The following LPAR3 variants were observed in gnomAD, a reference collection of about 807,000 sequenced individuals.
LPAR3 encodes lysophosphatidic acid receptor 3.
LPAR3 carries 7 observed loss-of-function variants against 17.8 expected under a neutral mutation model. That is an observed-to-expected ratio of 0.39 (90% CI 0.22 to 0.74). LPAR3 has a LOEUF of 0.74. Ranked by LOEUF, LPAR3 falls within the 30% of genes least tolerant of loss-of-function variation. LPAR3 has a pLI of 0.40. For synonymous variants in LPAR3, 179 were observed against 179.9 expected (o/e 0.99, Z 0.04); for missense variants, 391 against 453.4 (o/e 0.86, Z 1.25).
At chr1:84,846,717 G>A (rs1288825348) in intron 2 of LPAR3, among the ~76,000 whole-genome samples, 2 of 151,948 alleles carry the variant, frequency 1.3e-5, no homozygotes, top group Non-Finnish European at 2.9e-5. Context: ...ACCCACAAAG[G>A]GGTTATTTGT....
In LPAR3 at chr1:84,848,319, C is replaced by T. The variant is rs115512595; in HGVS notation, c.736+17066G>A. Among the ~76,000 whole-genome samples, 794 of 152,322 alleles carry T rather than the reference C, an allele frequency of 5.2e-3. 8 individuals are homozygous for T. Among genetic ancestry groups the T allele is most frequent in the African/African-American group, 0.017 (696 of 41,572 alleles). ...AGAACCCCAGAATGCCCCTGCTGGG[C>T]CCTGAGGCTGGCCACTTTCCCTCCC... On this transcript the variant is annotated intron_variant, in intron 2 of 2. Coordinates refer to ENST00000370611, the MANE Select transcript of LPAR3 (RefSeq NM_012152.3).
intron 1 of LPAR3, among the ~76,000 whole-genome samples, chr1:84,876,292 TCTC>T (rs1660256629): frequency 6.6e-6 from 1 of 152,162 alleles, no homozygotes; most frequent in South Asian, 2.1e-4. Context: ...TGGTGCCTAA[TCTC>T]ATCACATGCA....
intron 2 of LPAR3, among the ~76,000 whole-genome samples, chr1:84,856,588 G>A (rs1376873930): frequency 6.6e-6 from 1 of 151,974 alleles, no homozygotes; most frequent in African/African-American, 2.4e-5. Flanking sequence ...AGTAAGGACA[G>A]TTCATCGATG....
intron 1 of LPAR3, among the ~76,000 whole-genome samples, chr1:84,868,373 G>C (rs936046051): frequency 6.6e-6 from 1 of 152,174 alleles, no homozygotes; most frequent in East Asian, 1.9e-4. Flanking sequence ...GCCTCCCAAA[G>C]TGCTGAGATT....
In LPAR3 at chr1:84,850,606, C is replaced by T. The variant is rs571142601; in HGVS notation, c.736+14779G>A. On this transcript the variant is annotated intron_variant, in intron 2 of 2. Transcript: ENST00000370611. ...GTTGCCTTGAAAGGGAAAAAAGAAA[C>T]AAAACTAACAATCACCAGGGACTCT... Among the ~76,000 whole-genome samples, 4 of 152,008 alleles carry T rather than the reference C, an allele frequency of 2.6e-5. No individual in the cohort carries two copies. In the East Asian group the frequency reaches 7.8e-4, roughly 29 times the overall value.
intron 2 of LPAR3, among the ~76,000 whole-genome samples, chr1:84,851,595 C>A (rs976820801): frequency 1.3e-5 from 2 of 152,204 alleles, no homozygotes; most frequent in Admixed American, 6.5e-5. Context: ...GGATAATCAA[C>A]TCTGCCTTGG....
chr1:84,892,688 GC>G (rs1660575074), intron 1 of LPAR3, among the ~76,000 whole-genome samples: 1 of 152,224 alleles, frequency 6.6e-6, no homozygotes, highest in Non-Finnish European at 1.5e-5. Context: ...GTGTGCAAAG[GC>G]AGACGCAACC....
intron 1 of LPAR3, among the ~76,000 whole-genome samples, chr1:84,892,624 C>T (rs1323545613): frequency 6.6e-6 from 1 of 152,184 alleles, no homozygotes. Flanking sequence ...ACGAGAGAAC[C>T]CCAGTTTCCT....
At chr1:84,874,359 T>C (rs1341604440) in intron 1 of LPAR3, among the ~76,000 whole-genome samples, 3 of 152,198 alleles carry the variant, frequency 2.0e-5, no homozygotes, top group African/African-American at 7.2e-5. Context: ...GGACAGCCCA[T>C]GGCACGTCAG....
At chr1:84,890,760 T>C (rs1389327451) in intron 1 of LPAR3, among the ~76,000 whole-genome samples, 1 of 152,166 alleles carries the variant, frequency 6.6e-6, no homozygotes, top group African/African-American at 2.4e-5. Context: ...GTAATTCCCA[T>C]TTCAGTTATA....
intron 2 of LPAR3, among the ~76,000 whole-genome samples, chr1:84,862,324 G>A (rs1659955938): frequency 6.6e-6 from 1 of 152,196 alleles, no homozygotes; most frequent in Non-Finnish European, 1.5e-5. Context: ...GCAGAAGACA[G>A]GACAAAAAGA....
chr1:84,847,572 G>A (rs1659615720), intron 2 of LPAR3, among the ~76,000 whole-genome samples: 1 of 152,200 alleles, frequency 6.6e-6, no homozygotes. Flanking sequence ...TCCTATCAGG[G>A]AATCTGAAGA....
intron 2 of LPAR3, among the ~76,000 whole-genome samples, chr1:84,863,012 C>T (rs531908716): frequency 8.6e-5 from 13 of 151,538 alleles, no homozygotes; most frequent in Non-Finnish European, 1.3e-4. Context: ...GAAAATTCTA[C>T]GAAACCACAT....
intron 2 of LPAR3, among the ~76,000 whole-genome samples, chr1:84,836,019 T>C (rs913714552): frequency 2.8e-5 from 4 of 140,986 alleles, no homozygotes; most frequent in African/African-American, 1.1e-4. Context: ...TTTTTTTTTT[T>C]TTTTTTTTTT....
intron 2 of LPAR3, among the ~76,000 whole-genome samples, chr1:84,842,322 G>A (rs910850220): frequency 6.6e-6 from 1 of 152,246 alleles, no homozygotes; most frequent in Admixed American, 6.5e-5. Flanking sequence ...CACCACTATC[G>A]GATCAATCAT....
chr1:84,849,609 C>T (rs1226274201), intron 2 of LPAR3, among the ~76,000 whole-genome samples: 1 of 152,034 alleles, frequency 6.6e-6, no homozygotes, highest in Admixed American at 6.6e-5. Context: ...AATGTAGAAA[C>T]TCTAAGGGGA....
At chr1:84,855,066 T>C (rs1570885693) in intron 2 of LPAR3, among the ~76,000 whole-genome samples, 1 of 152,128 alleles carries the variant, frequency 6.6e-6, no homozygotes, top group African/African-American at 2.4e-5. Context: ...GGAAGATGAC[T>C]CCTGCCAATA....
intron 2 of LPAR3, among the ~76,000 whole-genome samples, chr1:84,856,489 G>A (rs1401494903): frequency 6.6e-6 from 1 of 152,174 alleles, no homozygotes; most frequent in Non-Finnish European, 1.5e-5. Flanking sequence ...GCAACTACAA[G>A]GCCACAGAAG....
At chr1:84,840,195 A>G (rs1659480816) in intron 2 of LPAR3, among the ~76,000 whole-genome samples, 1 of 152,212 alleles carries the variant, frequency 6.6e-6, no homozygotes, top group South Asian at 2.1e-4. Context: ...AAAGTGTTGG[A>G]ATTACATGTA....
Sources: gnomAD v4.1 joint callset for allele counts (sites outside exome capture counted in the v4.1 genomes callset) on GRCh38, gnomAD v4.1.1 for gene constraint, MANE v1.5 for transcripts, NCBI Gene and HGNC (gene_info 2026-07-23, HGNC 2026-07-21) for gene names.